Variants in VPS13B observed in about 807,000 individuals in gnomAD.
VPS13B encodes intermembrane lipid transfer protein VPS13B.
VPS13B carries 285 observed loss-of-function variants against 426.4 expected under a neutral mutation model. The ratio of observed to expected loss-of-function variants is 0.67; its 90% CI spans 0.61 to 0.74. The LOEUF is 0.74. Among genes scored for constraint, VPS13B ranks in the 30% least tolerant of loss-of-function variants. The probability of loss-of-function intolerance (pLI) is 0.00; values close to 1 mark genes in which losing one functional copy is unlikely to be tolerated. For synonymous variants in VPS13B, 1,676 were observed against 1,676.4 expected (o/e 1.00, Z 0.01); for missense variants, 4,537 against 4,782.6 (o/e 0.95, Z 1.51).
chr8:99,289,062 T>TGAATGAAAGAAA (rs1384234294), intron 19 of VPS13B, among the ~76,000 whole-genome samples: 16 of 148,822 alleles, frequency 1.1e-4, no homozygotes, highest in Admixed American at 2.0e-4. Flanking sequence ...AATGAATGAA[T>TGAATGAAAGAAA]GAAAGAAGGA....
chr8:99,348,423 G>T (rs560938221), intron 19 of VPS13B, among the ~76,000 whole-genome samples: 2 of 152,212 alleles, frequency 1.3e-5, no homozygotes, highest in Non-Finnish European at 2.9e-5. Context: ...GATTATAGAT[G>T]AAATCAAGAT....
At chr8:99,637,260 A>C (rs1245533943) in intron 33 of VPS13B, among the ~76,000 whole-genome samples, 1 of 152,026 alleles carries the variant, frequency 6.6e-6, no homozygotes, top group East Asian at 1.9e-4. Context: ...CAATATAGTA[A>C]ATCTGCAGTG....
At chr8:99,442,255 T>A in intron 22 of VPS13B, 146 bp from the exon 23 acceptor site, 1 of 708,834 alleles carries the variant, frequency 1.4e-6, no homozygotes, top group African/African-American at 1.8e-5. Context: ...TTCAAGTTTT[T>A]AAAATATTCA....
chr8:99,577,390 A>G, intron 32 of VPS13B, 100 bp from the exon 33 acceptor site: 4 of 1,538,488 alleles, frequency 2.6e-6, no homozygotes, highest in Non-Finnish European at 3.6e-6. Flanking sequence ...AGTCCTAGGA[A>G]ATGTCACCAA....
intron 17 of VPS13B, among the ~76,000 whole-genome samples, chr8:99,203,046 C>CA (rs55927083): frequency 5.8e-4 from 79 of 136,576 alleles, no homozygotes; most frequent in East Asian, 4.1e-3. Flanking sequence ...GAGACTGTCT[C>CA]AAAAAAAAAA....
intron 21 of VPS13B, among the ~76,000 whole-genome samples, chr8:99,411,043 T>C (rs1461743826): frequency 2.6e-5 from 4 of 152,244 alleles, no homozygotes; most frequent in South Asian, 2.1e-4. Flanking sequence ...TGTGTCTTTA[T>C]ACTAGAATGA....
intron 5 of VPS13B, among the ~76,000 whole-genome samples, chr8:99,110,886 G>T (rs1304415096): frequency 6.6e-6 from 1 of 151,856 alleles, no homozygotes; most frequent in Admixed American, 6.6e-5. Context: ...AAAATGGGGA[G>T]AATTGTGCCT....
intron 51 of VPS13B, among the ~76,000 whole-genome samples, chr8:99,828,397 T>TTTTTTTG (rs1814839047): frequency 2.9e-5 from 1 of 33,922 alleles, no homozygotes; most frequent in Non-Finnish European, 6.0e-5. Context: ...AACCACCGTT[T>TTTTTTTG]TTTTTTTTTT....
intron 43 of VPS13B, among the ~76,000 whole-genome samples, chr8:99,786,768 A>G (rs761351220): frequency 9.9e-5 from 15 of 152,158 alleles, no homozygotes; most frequent in Non-Finnish European, 1.8e-4. Context: ...TATTTATAAA[A>G]AACGACGTCT....
intron 43 of VPS13B, among the ~76,000 whole-genome samples, chr8:99,802,338 G>T (rs1813167908): frequency 6.6e-6 from 1 of 152,118 alleles, no homozygotes. Context: ...TGCCAAGAGG[G>T]CAAGTTGGGA....
chr8:99,548,271 A>C (rs1824095023), intron 30 of VPS13B, among the ~76,000 whole-genome samples: 1 of 152,112 alleles, frequency 6.6e-6, no homozygotes, highest in South Asian at 2.1e-4. Context: ...CATTGTAATC[A>C]GAATGTTTTT....
chr8:99,478,348 T>G (rs182851753), intron 24 of VPS13B, among the ~76,000 whole-genome samples: 2,011 of 151,750 alleles, frequency 0.013, 175 homozygotes, highest in Admixed American at 0.12. Context: ...GCTTTGAGTT[T>G]AGACAAAACT....
At chr8:99,370,145 G>A (rs1385273314) in intron 19 of VPS13B, among the ~76,000 whole-genome samples, 24 of 152,176 alleles carry the variant, frequency 1.6e-4, no homozygotes, top group Non-Finnish European at 3.4e-4. Context: ...TTAAGTGCCA[G>A]TCACTGTGCT....
intron 44 of VPS13B, among the ~76,000 whole-genome samples, chr8:99,813,350 G>T (rs1303858117): frequency 1.3e-5 from 2 of 152,170 alleles, no homozygotes; most frequent in Non-Finnish European, 2.9e-5. Context: ...GTTTCTCTGA[G>T]AAACAGCCAA....
At chr8:99,416,418 G>A (rs1435038778) in intron 21 of VPS13B, among the ~76,000 whole-genome samples, 3 of 152,082 alleles carry the variant, frequency 2.0e-5, no homozygotes, top group South Asian at 4.1e-4. Context: ...CCTTTCCAGG[G>A]GAGCAAATGG....
chr8:99,827,674 T>C (rs1814778432), intron 51 of VPS13B, among the ~76,000 whole-genome samples: 1 of 152,172 alleles, frequency 6.6e-6, no homozygotes, highest in Admixed American at 6.6e-5. Context: ...ACTGTGATGT[T>C]AGGGTGTCAA....
chr8:99,144,783 G>A (rs1357600257), intron 13 of VPS13B, among the ~76,000 whole-genome samples: 1 of 152,162 alleles, frequency 6.6e-6, no homozygotes. Context: ...TGGTCTCATG[G>A]AGCTTATATC....
chr8:99,580,558 G>T (rs141899678), intron 33 of VPS13B, among the ~76,000 whole-genome samples: 1 of 151,962 alleles, frequency 6.6e-6, no homozygotes, highest in East Asian at 1.9e-4. Flanking sequence ...TTATTTGAAA[G>T]ATTAATTTTG....
chr8:99,052,425 C>T (rs1347252336), intron 3 of VPS13B, among the ~76,000 whole-genome samples: 7 of 84,952 alleles, frequency 8.2e-5, no homozygotes, highest in Admixed American at 2.5e-4. Flanking sequence ...CTGCTGGATT[C>T]GGTTTGCCAG....
Sources: allele counts gnomAD v4.1 joint callset (sites outside exome capture counted in the v4.1 genomes callset), GRCh38; gene constraint gnomAD v4.1.1; transcripts MANE v1.5; gene names NCBI Gene and HGNC (gene_info 2026-07-23, HGNC 2026-07-21).